Variants in MARCHF4 observed in about 807,000 individuals in gnomAD.
The protein encoded by MARCHF4 is membrane associated ring-CH-type finger 4, also known as E3 ubiquitin-protein ligase MARCHF4.
In MARCHF4, 14 loss-of-function variants were observed where a neutral mutation model predicts 43.9. That is an observed-to-expected ratio of 0.32 (90% CI 0.21 to 0.50). The LOEUF (loss-of-function observed/expected upper bound fraction) is 0.50, where lower values mean the gene tolerates loss of function less well. Ranked by LOEUF, MARCHF4 falls within the 20% of genes least tolerant of loss-of-function variation. The pLI, the probability that MARCHF4 is intolerant of heterozygous loss-of-function variation, is 0.98. For synonymous variants in MARCHF4, 226 were observed against 213.3 expected, an observed-to-expected ratio of 1.06 and a Z score of -0.52; for missense variants, 468 against 536.7, an observed-to-expected ratio of 0.87 and a Z score of 1.27.
At chr2:216,281,657 T>C (rs953937940) in intron 2 of MARCHF4, among the ~76,000 whole-genome samples, 2 of 152,116 alleles carry the variant, frequency 1.3e-5, no homozygotes, top group Admixed American at 6.5e-5. Context: ...CCACACAAAA[T>C]TGCTTCTAAT....
At chr2:216,300,215 A>G (rs1179821106) in intron 1 of MARCHF4, among the ~76,000 whole-genome samples, 3 of 152,068 alleles carry the variant, frequency 2.0e-5, no homozygotes, top group African/African-American at 7.2e-5. Flanking sequence ...GCTATAATGT[A>G]TGTAAAATGT....
intron 1 of MARCHF4, among the ~76,000 whole-genome samples, chr2:216,302,910 A>G (rs923959458): frequency 1.1e-4 from 9 of 84,366 alleles, no homozygotes; most frequent in Non-Finnish European, 2.8e-4. Flanking sequence ...AAAAAAAAAA[A>G]AAAAAAAAAA....
chr2:216,362,759 C>T (rs1692605128), intron 1 of MARCHF4, among the ~76,000 whole-genome samples: 1 of 152,214 alleles, frequency 6.6e-6, no homozygotes, highest in African/African-American at 2.4e-5. Flanking sequence ...CGTCATGAGA[C>T]AGTCAGCCCT....
At chr2:216,369,704 A>C (rs1354386721) in intron 1 of MARCHF4, 41 bp downstream of exon 1, 1 of 1,505,440 alleles carries the variant, frequency 6.6e-7, no homozygotes, top group Non-Finnish European at 9.0e-7. Flanking sequence ...GCAAGACCTG[A>C]AAATACCACA....
intron 1 of MARCHF4, among the ~76,000 whole-genome samples, chr2:216,368,989 G>A (rs1372004201): frequency 2.0e-5 from 3 of 152,162 alleles, no homozygotes; most frequent in African/African-American, 7.2e-5. Flanking sequence ...TCCTGGATGG[G>A]GAGCATTTAA....
chr2:216,336,613 T>G (rs1481891728), intron 1 of MARCHF4, among the ~76,000 whole-genome samples: 1 of 152,130 alleles, frequency 6.6e-6, no homozygotes, highest in Non-Finnish European at 1.5e-5. Flanking sequence ...TCTATCTTCC[T>G]AACTGGCTAT....
intron 1 of MARCHF4, among the ~76,000 whole-genome samples, chr2:216,344,626 C>T (rs1692287469): frequency 6.6e-6 from 1 of 152,106 alleles, no homozygotes; most frequent in African/African-American, 2.4e-5. Context: ...ATGAGGGCAT[C>T]AGGGACCTTC....
chr2:216,274,251 A>G (rs1283239610), intron 3 of MARCHF4, among the ~76,000 whole-genome samples: 1 of 152,130 alleles, frequency 6.6e-6, no homozygotes, highest in Non-Finnish European at 1.5e-5. Flanking sequence ...TGTGGAGTGC[A>G]GTGAGGACTC....
intron 3 of MARCHF4, among the ~76,000 whole-genome samples, chr2:216,272,055 T>TA (rs892687978): frequency 2.7e-5 from 4 of 149,150 alleles, no homozygotes; most frequent in Admixed American, 6.7e-5. Context: ...TAGAGATCTC[T>TA]AAAAAAACAC....
chr2:216,303,028 G>T (rs957667952), intron 1 of MARCHF4, among the ~76,000 whole-genome samples: 2 of 151,318 alleles, frequency 1.3e-5, no homozygotes, highest in African/African-American at 2.4e-5. Flanking sequence ...TTCTCTCACA[G>T]CTCCTTTCTC....
chr2:216,277,012 T>C (rs1350925966), intron 3 of MARCHF4, among the ~76,000 whole-genome samples: 9 of 152,094 alleles, frequency 5.9e-5, no homozygotes, highest in Admixed American at 5.9e-4. Context: ...AAACGAAACC[T>C]TATCTGGAAC....
At chr2:216,296,557 C>T (rs895917708) in intron 1 of MARCHF4, among the ~76,000 whole-genome samples, 7 of 152,090 alleles carry the variant, frequency 4.6e-5, no homozygotes, top group Non-Finnish European at 7.3e-5. Flanking sequence ...CTAGGAGCAA[C>T]TGGGGGTTTT....
At chr2:216,356,674 GTTATT>G (rs1692508020) in intron 1 of MARCHF4, among the ~76,000 whole-genome samples, 1 of 151,990 alleles carries the variant, frequency 6.6e-6, no homozygotes, top group African/African-American at 2.4e-5. Flanking sequence ...TCCCTTTTAA[GTTATT>G]TTTATTTTTT....
chr2:216,290,847 T>A (rs192053736), intron 1 of MARCHF4, among the ~76,000 whole-genome samples: 1 of 152,182 alleles, frequency 6.6e-6, no homozygotes, highest in African/African-American at 2.4e-5. Context: ...TACCTTTAAT[T>A]GAGATGAGAA....
At chr2:216,261,226 G>A (rs1188499383) in intron 3 of MARCHF4, among the ~76,000 whole-genome samples, 2 of 152,186 alleles carry the variant, frequency 1.3e-5, no homozygotes, top group African/African-American at 2.4e-5. Flanking sequence ...CTGGGCTGAC[G>A]TGAAAGTGTC....
chr2:216,361,052 T>C (rs1173357712), intron 1 of MARCHF4, among the ~76,000 whole-genome samples: 1 of 151,972 alleles, frequency 6.6e-6, no homozygotes, highest in Admixed American at 6.6e-5. Flanking sequence ...AATTTTGCTG[T>C]GAACCTAAAG....
chr2:216,362,068 T>A (rs1224988351), intron 1 of MARCHF4, among the ~76,000 whole-genome samples: 2 of 152,112 alleles, frequency 1.3e-5, no homozygotes, highest in Admixed American at 1.3e-4. Flanking sequence ...GGGAATGAAA[T>A]CCATGTATTT....
At chr2:216,369,719 G>A (rs747191874) in intron 1 of MARCHF4, 26 bp downstream of exon 1, 9 of 1,524,120 alleles carry the variant, frequency 5.9e-6, no homozygotes, top group Non-Finnish European at 7.1e-6. Context: ...ACCACAGGAA[G>A]CAGGAGAAGA....
chr2:216,283,601 G>C lies in MARCHF4; in HGVS notation c.645C>G (p.Ile215Met). Reference protein sequence around the residue: ...CELCYYKYHVIAISTKNPLQW... With the variant: ...CELCYYKYHVMAISTKNPLQW... Reference sequence around the variant, plus strand: ...GCAGAGGATTTTTTGTGCTTATGGCGATGACGTGGTACTTGTAGTAGCACA... The same window carrying C: ...GCAGAGGATTTTTTGTGCTTATGGCCATGACGTGGTACTTGTAGTAGCACA... Residue 215 changes from isoleucine (I) to methionine (M), a missense_variant, in exon 2 of 4, where the codon ATC becomes ATG. Physicochemically the swap from Ile to Met is conservative, Grantham distance 10 (BLOSUM62 1). Around this residue, in one of 3 missense-constraint regions of MARCHF4, gnomAD observed 158 missense variants for 251.1 expected, o/e 0.63. Transcript: ENST00000273067. 1 of 1,609,278 alleles carries C rather than the reference G, an allele frequency of 6.2e-7. No homozygotes were observed. The highest frequency in any genetic ancestry group is 1.7e-5 in the Admixed American group (1 of 59,928).
Sources: allele counts gnomAD v4.1 joint callset (sites outside exome capture counted in the v4.1 genomes callset), GRCh38; gene constraint gnomAD v4.1.1; regional missense constraint gnomAD v4.1.1; transcripts MANE v1.5; gene names NCBI Gene and HGNC (gene_info 2026-07-23, HGNC 2026-07-21).